The following DMD variants were observed in gnomAD, a reference collection of about 807,000 sequenced individuals.
The protein encoded by DMD is dystrophin.
A neutral mutation model predicts 330.1 loss-of-function variants in DMD; 63 were observed. The observed-to-expected ratio is 0.19, with a 90% CI of 0.16 to 0.24. DMD has a LOEUF of 0.24. DMD is among the 10% of genes least tolerant of loss of function. The pLI, the probability that DMD is intolerant of heterozygous loss-of-function variation, is 1.00. For missense variants in DMD, 3,344 were observed against 2,684.1 expected (o/e 1.25, Z -5.43); for synonymous variants, 1,223 against 959.8 (o/e 1.27, Z -5.07).
intron 12 of DMD, among the ~76,000 whole-genome samples, chrX:32,598,883 T>A (rs2149278622): frequency 8.9e-6 from 1 of 111,915 alleles, no homozygotes; most frequent in Non-Finnish European, 1.9e-5. Flanking sequence ...CCCTCTGGAC[T>A]TACGGTGAGT....
intron 7 of DMD, among the ~76,000 whole-genome samples, chrX:32,701,550 C>T (rs2064132089): frequency 9.0e-6 from 1 of 111,496 alleles, no homozygotes; most frequent in Admixed American, 9.6e-5. Flanking sequence ...ATAGTAGATA[C>T]TATACTTCAC....
intron 7 of DMD, among the ~76,000 whole-genome samples, chrX:32,731,263 C>A (rs1378409870): frequency 8.9e-6 from 1 of 112,238 alleles, no homozygotes; most frequent in Non-Finnish European, 1.9e-5. Context: ...AGGGTCCTAC[C>A]CCAACGGAAT....
intron 44 of DMD, among the ~76,000 whole-genome samples, chrX:32,202,733 T>C (rs2097046781): frequency 8.9e-6 from 1 of 112,222 alleles, no homozygotes; most frequent in Non-Finnish European, 1.9e-5. Context: ...AAAATGATTG[T>C]CATGTGGTAT....
At chrX:33,006,468 G>T (rs978758095) in intron 2 of DMD, among the ~76,000 whole-genome samples, 1 of 111,848 alleles carries the variant, frequency 8.9e-6, no homozygotes, top group East Asian at 2.8e-4. Flanking sequence ...TGACAAACGA[G>T]CAATGGCAAT....
chrX:32,502,378 G>C (rs1201467413), intron 18 of DMD, among the ~76,000 whole-genome samples: 3 of 111,195 alleles, frequency 2.7e-5, no homozygotes, highest in Non-Finnish European at 3.8e-5. Context: ...AATAATCAAA[G>C]TACTCCTATT....
chrX:32,326,601 G>C (rs1176508874), intron 41 of DMD, among the ~76,000 whole-genome samples: 1 of 112,058 alleles, frequency 8.9e-6, no homozygotes, highest in African/African-American at 3.2e-5. Context: ...TTTGCACATA[G>C]GTAAGATATT....
intron 44 of DMD, among the ~76,000 whole-genome samples, chrX:32,024,415 G>A (rs1603620825): frequency 9.4e-6 from 1 of 106,834 alleles, no homozygotes; most frequent in East Asian, 3.0e-4. Flanking sequence ...AACCTGGTGG[G>A]GGCAGAGGTT....
At chrX:31,130,010 G>A (rs1378301086) in intron 77 of DMD, among the ~76,000 whole-genome samples, 1 of 111,342 alleles carries the variant, frequency 9.0e-6, no homozygotes. Context: ...CAGGTCAGTA[G>A]GCAAGAGATT....
chrX:32,007,480 G>T (rs942534106), intron 44 of DMD, among the ~76,000 whole-genome samples: 1 of 110,702 alleles, frequency 9.0e-6, no homozygotes, highest in South Asian at 3.8e-4. Context: ...CACCCAGCTT[G>T]TGGTAATTTG....
intron 65 of DMD, among the ~76,000 whole-genome samples, chrX:31,206,885 A>T (rs1174754557): frequency 9.0e-6 from 1 of 111,694 alleles, no homozygotes; most frequent in Non-Finnish European, 1.9e-5. Flanking sequence ...AAATTCAACC[A>T]ACTTGACCAC....
At chrX:32,655,213 C>A (rs1474060348) in intron 9 of DMD, among the ~76,000 whole-genome samples, 1 of 111,720 alleles carries the variant, frequency 9.0e-6, no homozygotes, top group East Asian at 2.8e-4. Context: ...TTCTCTAGTT[C>A]TTTTAATTGT....
rs766149450 is a variant in DMD at position 33,081,961 on chromosome X, GT to G, written c.32-61762del. Reference sequence around the variant, plus strand: ...TTCCTGGGGTTTCATGTGGAAAACAGTTTTTTTTTTTTTTCCCTAAAACGGG... The same window carrying G: ...TTCCTGGGGTTTCATGTGGAAAACAGTTTTTTTTTTTTTCCCTAAAACGGG... On this transcript the variant is annotated intron_variant, in intron 1 of 78. Coordinates refer to ENST00000357033, the MANE Select transcript of DMD (RefSeq NM_004006.3). Among the ~76,000 whole-genome samples the G allele has an allele frequency of 9.6e-3, 951 of 98,832 alleles. 9 individuals are homozygous for G. Among genetic ancestry groups the G allele is most frequent in the African/African-American group, 0.024 (665 of 27,552 alleles). 85.8% of individuals were successfully genotyped at this position (98,832 alleles called of 115,157 possible).
chrX:32,364,930 A>G (rs553417606), intron 35 of DMD, 90 bp downstream of exon 35: 1 of 1,047,761 alleles, frequency 9.5e-7, no homozygotes, highest in African/African-American at 1.9e-5. Flanking sequence ...AGAATTGAGA[A>G]ATTTTCAAAC....
intron 20 of DMD, among the ~76,000 whole-genome samples, chrX:32,489,407 G>C (rs2095333850): frequency 9.0e-6 from 1 of 110,673 alleles, no homozygotes; most frequent in African/African-American, 3.3e-5. Context: ...GAGATAAAGA[G>C]AGAGAGAAAG....
intron 55 of DMD, among the ~76,000 whole-genome samples, chrX:31,596,744 T>C (rs1432881061): frequency 1.8e-5 from 2 of 112,009 alleles, no homozygotes; most frequent in African/African-American, 6.5e-5. Context: ...TATGACTCAG[T>C]GAGAACATTT....
At chrX:32,591,655 G>C (rs886778621) in intron 13 of DMD, among the ~76,000 whole-genome samples, 1 of 112,353 alleles carries the variant, frequency 8.9e-6, no homozygotes, top group African/African-American at 3.2e-5. Flanking sequence ...CAAGGGAGGC[G>C]TGGCCAGGGC....
chrX:31,130,097 C>G, intron 77 of DMD, among the ~76,000 whole-genome samples: 1 of 111,173 alleles, frequency 9.0e-6, no homozygotes, highest in Non-Finnish European at 1.9e-5. Flanking sequence ...ATCTTGGCTC[C>G]TATTATTCAT....
intron 41 of DMD, 62 bp from the exon 42 acceptor site, chrX:32,310,338 T>G (rs916645638): frequency 3.3e-6 from 3 of 913,565 alleles, no homozygotes; most frequent in African/African-American, 2.0e-5. Flanking sequence ...CCTCCTCCAT[T>G]AAGTTTATAT....
At chrX:31,318,379 C>T (rs1266513007) in intron 62 of DMD, among the ~76,000 whole-genome samples, 1 of 112,170 alleles carries the variant, frequency 8.9e-6, no homozygotes, top group Non-Finnish European at 1.9e-5. Context: ...GAATGGTAGG[C>T]CATAAGAAGA....
Sources: allele counts gnomAD v4.1 joint callset (sites outside exome capture counted in the v4.1 genomes callset), GRCh38; gene constraint gnomAD v4.1.1; transcripts MANE v1.5; gene names NCBI Gene and HGNC (gene_info 2026-07-23, HGNC 2026-07-21).